The following PRUNE2 variants were observed in gnomAD, a reference collection of about 807,000 sequenced individuals.
PRUNE2 encodes the protein protein prune homolog 2.
Under a neutral mutation model 252.0 loss-of-function variants are expected in PRUNE2, and 164 were observed. The observed-to-expected ratio is 0.65, with a 90% confidence interval of 0.57 to 0.74. PRUNE2 has a LOEUF of 0.74. Ranked by LOEUF, PRUNE2 falls within the 30% of genes least tolerant of loss-of-function variation. The pLI, the probability that PRUNE2 is intolerant of heterozygous loss-of-function variation, is 0.00. For synonymous variants in PRUNE2, 1,292 were observed against 1,350.2 expected (o/e 0.96, Z 0.94); for missense variants, 3,495 against 3,711.0 (o/e 0.94, Z 1.51).
intron 6 of PRUNE2, among the ~76,000 whole-genome samples, chr9:76,721,949 C>T (rs1210442174): frequency 6.6e-6 from 1 of 152,218 alleles, no homozygotes; most frequent in Non-Finnish European, 1.5e-5. Context: ...TATGAGAACA[C>T]CACATGCATA....
At chr9:76,840,831 A>C (rs2059345925) in intron 4 of PRUNE2, among the ~76,000 whole-genome samples, 1 of 152,132 alleles carries the variant, frequency 6.6e-6, no homozygotes, top group Non-Finnish European at 1.5e-5. Context: ...AAACACAAAA[A>C]TTAGCCGGGC....
At chr9:76,848,371 C>A (rs1016977395) in intron 3 of PRUNE2, among the ~76,000 whole-genome samples, 6 of 152,160 alleles carry the variant, frequency 3.9e-5, no homozygotes, top group African/African-American at 1.4e-4. Context: ...CTTTTAGCCA[C>A]GTGTCAATGA....
intron 18 of PRUNE2, among the ~76,000 whole-genome samples, chr9:76,616,993 T>C (rs1445328328): frequency 1.3e-5 from 2 of 151,750 alleles, no homozygotes; most frequent in African/African-American, 4.8e-5. Flanking sequence ...AATAAATAAA[T>C]AAATAAAAGT....
At chr9:76,700,732 G>C (rs954983928) in intron 9 of PRUNE2, among the ~76,000 whole-genome samples, 1 of 152,142 alleles carries the variant, frequency 6.6e-6, no homozygotes, top group Non-Finnish European at 1.5e-5. Flanking sequence ...TGGGCCCTGG[G>C]CACTCTGTCT....
chr9:76,710,048 G>A lies in PRUNE2; in HGVS notation c.2226C>T (p.Asn742=), dbSNP rs781661219. The change falls in exon 8 of 19, where the codon AAC becomes AAT. Residue 742 remains asparagine (N), a synonymous_variant. Transcript: ENST00000376718. ...DKNEESLPFQ[N]LPMEKSPLPN... is the part of the protein sequence containing the mutation. ...GCAAAGGTGACTTCTCCATGGGCAG[G>A]TTCTGGAACGGCAAGCTTTCCTCAT... is the stretch of plus-strand genomic sequence containing the variant. The A allele has an allele frequency of 1.2e-6, 2 of 1,613,776 alleles. No individual in the cohort carries two copies. Among genetic ancestry groups the A allele is most frequent in the Admixed American group, 1.7e-5 (1 of 59,986 alleles).
intron 6 of PRUNE2, among the ~76,000 whole-genome samples, chr9:76,774,460 T>TATTTATTTATTTATTTATTTATTTA (rs1564272674): frequency 1.9e-4 from 26 of 138,580 alleles, no homozygotes; most frequent in Non-Finnish European, 3.5e-4. Context: ...CTTTTTTTTT[T>TATTTATTTATTTATTTATTTATTTA]TTTTTTTTTT....
Position 76,705,037 on chromosome 9 carries a change from C to T in PRUNE2, c.7237G>A (p.Glu2413Lys). The change falls in exon 8 of 19, where the codon GAA becomes AAA. Residue 2413 changes from glutamate (E) to lysine (K), a missense_variant. Transcript: ENST00000376718. ...EPAQSAETIE[E>K]AGSPEDESLG... is the part of the protein sequence containing the mutation. ...GATTCATCCTCTGGAGACCCAGCTTCCTCTATTGTTTCAGCACTCTGGGCA... is the reference window on the plus strand; with the variant it reads ...GATTCATCCTCTGGAGACCCAGCTTTCTCTATTGTTTCAGCACTCTGGGCA... The T allele has an allele frequency of 1.2e-6, 2 of 1,613,974 alleles. No homozygotes were observed. The highest frequency in any genetic ancestry group is 1.7e-6 in the Non-Finnish European group (2 of 1,179,884).
At chr9:76,657,063 C>A (rs1014053968) in intron 9 of PRUNE2, among the ~76,000 whole-genome samples, 1 of 152,130 alleles carries the variant, frequency 6.6e-6, no homozygotes, top group Non-Finnish European at 1.5e-5. Context: ...TGCACCAGGC[C>A]CCAGTTTTGA....
At chr9:76,671,345 T>A (rs2041433652) in intron 9 of PRUNE2, among the ~76,000 whole-genome samples, 1 of 143,520 alleles carries the variant, frequency 7.0e-6, no homozygotes, top group African/African-American at 2.6e-5. Flanking sequence ...AGAAGGGAAG[T>A]CTAGAGAAAA....
chr9:76,891,744 CA>C (rs1475008407), intron 1 of PRUNE2, among the ~76,000 whole-genome samples: 1 of 152,192 alleles, frequency 6.6e-6, no homozygotes, highest in African/African-American at 2.4e-5. Context: ...AAACACAGAT[CA>C]ATTTTTCTTC....
At chr9:76,829,378 T>C (rs1257306643) in intron 4 of PRUNE2, among the ~76,000 whole-genome samples, 2 of 152,172 alleles carry the variant, frequency 1.3e-5, no homozygotes, top group African/African-American at 2.4e-5. Context: ...TTTAGGGCCC[T>C]CTACAGAAAA....
intron 6 of PRUNE2, chr9:76,819,472 A>G (rs1255485612): frequency 6.6e-6 from 1 of 152,212 alleles, no homozygotes; most frequent in African/African-American, 2.4e-5. Flanking sequence ...ATTCTCTCCC[A>G]CAGCTCTTGG....
chr9:76,822,192 T>C (rs2058071711), intron 6 of PRUNE2, among the ~76,000 whole-genome samples: 1 of 152,092 alleles, frequency 6.6e-6, no homozygotes, highest in Non-Finnish European at 1.5e-5. Context: ...TTGAATTGAT[T>C]CACATCAATA....
intron 9 of PRUNE2, chr9:76,692,243 C>T (rs2044838323): frequency 1.4e-6 from 1 of 699,270 alleles, no homozygotes; most frequent in Non-Finnish European, 2.7e-6. Context: ...CCTCCCAGAT[C>T]TCCCCATGCA....
chr9:76,653,378 C>T (rs997722077), intron 10 of PRUNE2, among the ~76,000 whole-genome samples: 3 of 152,126 alleles, frequency 2.0e-5, no homozygotes, highest in Non-Finnish European at 4.4e-5. Flanking sequence ...ACATATAACC[C>T]ATGCACATCC....
At chr9:76,720,260 A>G (rs1260487565) in intron 6 of PRUNE2, among the ~76,000 whole-genome samples, 1 of 151,210 alleles carries the variant, frequency 6.6e-6, no homozygotes, top group Non-Finnish European at 1.5e-5. Flanking sequence ...ATTGAATTCT[A>G]ATATACAATG....
At chr9:76,759,199 GA>G (rs2051451535) in intron 6 of PRUNE2, 1 of 152,202 alleles carries the variant, frequency 6.6e-6, no homozygotes, top group Non-Finnish European at 1.5e-5. Flanking sequence ...AGGTGTAATG[GA>G]AATAGTGCAT....
At chr9:76,676,259 C>G (rs1416428731) in intron 9 of PRUNE2, among the ~76,000 whole-genome samples, 2 of 120,668 alleles carry the variant, frequency 1.7e-5, no homozygotes, top group African/African-American at 5.7e-5. Flanking sequence ...AAAAAAAAAT[C>G]TTCCACTCAA....
intron 14 of PRUNE2, among the ~76,000 whole-genome samples, chr9:76,636,972 AATGTGTGTGTGTGTGTGT>A (rs1342326694): frequency 6.1e-5 from 8 of 131,470 alleles, no homozygotes; most frequent in African/African-American, 2.5e-4. Flanking sequence ...CAACAACAAA[AATGTGTGTGTGTGTGTGT>A]GTGTGTGTGT....
Sources: gnomAD v4.1 joint callset for allele counts (sites outside exome capture counted in the v4.1 genomes callset) on GRCh38, gnomAD v4.1.1 for gene constraint, MANE v1.5 for transcripts, NCBI Gene and HGNC (gene_info 2026-07-23, HGNC 2026-07-21) for gene names.